Variants in LINGO2 observed in about 807,000 individuals in gnomAD.
LINGO2 encodes the protein leucine rich repeat and Ig domain containing 2.
A neutral mutation model predicts 30.6 loss-of-function variants in LINGO2; 14 were observed. That is an observed-to-expected ratio of 0.46 (90% CI 0.30 to 0.72). LINGO2 has a LOEUF of 0.72. Ranked by LOEUF, LINGO2 falls within the 30% of genes least tolerant of loss-of-function variation. LINGO2 has a pLI of 0.07. For synonymous variants in LINGO2, 317 were observed against 288.5 expected, an observed-to-expected ratio of 1.10 and a Z score of -1.00; for missense variants, 729 against 751.7, an observed-to-expected ratio of 0.97 and a Z score of 0.35.
intron 1 of LINGO2, among the ~76,000 whole-genome samples, chr9:28,522,730 G>T (rs1820872825): frequency 6.6e-6 from 1 of 152,036 alleles, no homozygotes; most frequent in African/African-American, 2.4e-5. Context: ...ATTCTTACAA[G>T]AAAATTATTT....
intron 4 of LINGO2, among the ~76,000 whole-genome samples, chr9:28,111,919 T>A (rs926049928): frequency 7.3e-5 from 11 of 151,546 alleles, no homozygotes; most frequent in African/African-American, 1.7e-4. Context: ...TTATTTATTT[T>A]TTATTATACT....
chr9:28,393,929 C>T (rs937887409), intron 2 of LINGO2, among the ~76,000 whole-genome samples: 2 of 152,182 alleles, frequency 1.3e-5, no homozygotes, highest in Non-Finnish European at 2.9e-5. Context: ...ATACTAGCTG[C>T]AGGTGTTCCC....
At chr9:28,482,081 CAT>C (rs1825994659) in intron 1 of LINGO2, among the ~76,000 whole-genome samples, 1 of 152,010 alleles carries the variant, frequency 6.6e-6, no homozygotes, top group African/African-American at 2.4e-5. Context: ...CCGCAATAAA[CAT>C]ATGTGTGCAT....
At chr9:28,368,590 T>C (rs2134552311) in intron 3 of LINGO2, among the ~76,000 whole-genome samples, 1 of 93,434 alleles carries the variant, frequency 1.1e-5, no homozygotes. Context: ...TCTTCTTTTC[T>C]TTTCTTTTTT....
At chr9:28,259,339 C>G (rs1396909838) in intron 4 of LINGO2, among the ~76,000 whole-genome samples, 2 of 151,854 alleles carry the variant, frequency 1.3e-5, no homozygotes, top group Non-Finnish European at 2.9e-5. Context: ...AATTGAAAAC[C>G]TAATGTTTTT....
the LINGO2 span, among the ~76,000 whole-genome samples, chr9:28,982,627 G>A: frequency 6.6e-6 from 1 of 151,826 alleles, no homozygotes; most frequent in African/African-American, 2.4e-5. Flanking sequence ...TATCCCTTCA[G>A]AGAAAAATTT....
chr9:28,290,425 C>A (rs1191288650), intron 4 of LINGO2, among the ~76,000 whole-genome samples: 3 of 152,272 alleles, frequency 2.0e-5, no homozygotes, highest in African/African-American at 7.2e-5. Flanking sequence ...TCCAGCAACG[C>A]TAATATGGCA....
chr9:28,595,160 T>C (rs543058436), intron 1 of LINGO2, among the ~76,000 whole-genome samples: 1 of 152,092 alleles, frequency 6.6e-6, no homozygotes, highest in South Asian at 2.1e-4. Context: ...TCACTTAAGA[T>C]AGGTGAGAAA....
the LINGO2 span, among the ~76,000 whole-genome samples, chr9:29,118,718 G>C: frequency 2.6e-5 from 4 of 152,128 alleles, no homozygotes; most frequent in Admixed American, 2.6e-4. Context: ...CAACTGCCAA[G>C]GGACCTGGGA....
chr9:28,830,887 C>T, the LINGO2 span, among the ~76,000 whole-genome samples: 18 of 152,142 alleles, frequency 1.2e-4, no homozygotes, highest in East Asian at 5.8e-4. Flanking sequence ...TGCGTGCGCA[C>T]GCACGCACAC....
At chr9:28,627,961 G>A (rs1458448304) in intron 1 of LINGO2, among the ~76,000 whole-genome samples, 1 of 151,916 alleles carries the variant, frequency 6.6e-6, no homozygotes, top group South Asian at 2.1e-4. Flanking sequence ...AAAGAAAAAA[G>A]TTTTTACCTA....
At chr9:28,378,766 G>A (rs1289901614) in intron 2 of LINGO2, among the ~76,000 whole-genome samples, 1 of 152,134 alleles carries the variant, frequency 6.6e-6, no homozygotes, top group Non-Finnish European at 1.5e-5. Flanking sequence ...AAGATACAAT[G>A]ATGTATATGA....
rs1421930389 is a variant in LINGO2, at chr9:27,992,332, T to C, written c.-36+20023A>G. Among the ~76,000 whole-genome samples the C allele has an allele frequency of 2.0e-5, 3 of 152,142 alleles. No individual in the cohort carries two copies. The South Asian group carries it at 6.2e-4, about 31-fold the overall frequency. On this transcript the variant is annotated intron_variant, in intron 5 of 5. Transcript: ENST00000379992. ...AAACCATGTAAAACGTAGCCATAGA[T>C]ACAATGACTACATAAATCATGATGT... is the stretch of plus-strand genomic sequence containing the variant.
the LINGO2 span, among the ~76,000 whole-genome samples, chr9:28,830,639 T>C: frequency 8.5e-5 from 13 of 152,346 alleles, no homozygotes; most frequent in Non-Finnish European, 1.8e-4. Context: ...ATTTTAGTAG[T>C]AGCTCTTGTT....
At chr9:28,046,241 G>A (rs1311102235) in intron 4 of LINGO2, among the ~76,000 whole-genome samples, 1 of 152,102 alleles carries the variant, frequency 6.6e-6, no homozygotes, top group Non-Finnish European at 1.5e-5. Context: ...AGCATACTGT[G>A]TGACAAGAAG....
chr9:28,962,674 A>G, the LINGO2 span, among the ~76,000 whole-genome samples: 1 of 151,818 alleles, frequency 6.6e-6, no homozygotes, highest in African/African-American at 2.4e-5. Context: ...CAATAACTAG[A>G]TTTTGCTCTA....
chr9:28,192,261 T>C (rs1420268627), intron 4 of LINGO2, among the ~76,000 whole-genome samples: 2 of 152,136 alleles, frequency 1.3e-5, no homozygotes, highest in African/African-American at 4.8e-5. Context: ...ATGTTATATA[T>C]ATACATTTTA....
intron 1 of LINGO2, among the ~76,000 whole-genome samples, chr9:28,575,639 C>A (rs1301547207): frequency 6.6e-6 from 1 of 151,872 alleles, no homozygotes; most frequent in Non-Finnish European, 1.5e-5. Flanking sequence ...CAGACCTCAG[C>A]AATATACAAT....
At chr9:27,962,431 C>T (rs1193250452) in intron 5 of LINGO2, among the ~76,000 whole-genome samples, 1 of 152,068 alleles carries the variant, frequency 6.6e-6, no homozygotes, top group Non-Finnish European at 1.5e-5. Context: ...TAGAAAGGAG[C>T]TCAACTAAGG....
Sources: allele counts gnomAD v4.1 joint callset (sites outside exome capture counted in the v4.1 genomes callset), GRCh38; gene constraint gnomAD v4.1.1; transcripts MANE v1.5; gene names NCBI Gene and HGNC (gene_info 2026-07-23, HGNC 2026-07-21).